Variants in TXNDC16 observed in about 807,000 individuals in gnomAD.
TXNDC16 encodes thioredoxin domain containing 16.
A neutral mutation model predicts 85.6 loss-of-function variants in TXNDC16; 74 were observed. The ratio of observed to expected loss-of-function variants is 0.86; its 90% confidence interval spans 0.72 to 1.05. TXNDC16 has a LOEUF of 1.05. TXNDC16 is among the 50% of genes least tolerant of loss of function. The pLI, the probability that TXNDC16 is intolerant of heterozygous loss-of-function variation, is 0.00. For synonymous variants in TXNDC16, 335 were observed against 326.5 expected, an observed-to-expected ratio of 1.03 and a Z score of -0.28; for missense variants, 959 against 947.0, an observed-to-expected ratio of 1.01 and a Z score of -0.17.
At chr14:52,510,142 G>A (rs2036922541) in intron 9 of TXNDC16, among the ~76,000 whole-genome samples, 1 of 152,168 alleles carries the variant, frequency 6.6e-6, no homozygotes, top group East Asian at 1.9e-4. Context: ...CCTTGATAAT[G>A]TTCAAAGAAC....
chr14:52,545,437 A>G (rs202003464), intron 1 of TXNDC16, among the ~76,000 whole-genome samples: 1 of 152,222 alleles, frequency 6.6e-6, no homozygotes, highest in East Asian at 1.9e-4. Flanking sequence ...CATCTATGGT[A>G]AGATTTGATT....
intron 9 of TXNDC16, among the ~76,000 whole-genome samples, chr14:52,505,664 G>A (rs1261313500): frequency 6.6e-6 from 1 of 152,104 alleles, no homozygotes; most frequent in African/African-American, 2.4e-5. Context: ...AACTACAGAA[G>A]CAAGAGCAAA....
intron 9 of TXNDC16, among the ~76,000 whole-genome samples, chr14:52,501,395 C>G (rs2036656157): frequency 6.6e-6 from 1 of 152,166 alleles, no homozygotes; most frequent in African/African-American, 2.4e-5. Flanking sequence ...CTGAATCCTA[C>G]TTTCCATTTT....
At chr14:52,529,503 A>AT (rs201382896) in intron 6 of TXNDC16, among the ~76,000 whole-genome samples, 46 of 122,290 alleles carry the variant, frequency 3.8e-4, no homozygotes, top group African/African-American at 4.2e-4. Context: ...ACTATATATT[A>AT]TATATAATGC....
intron 9 of TXNDC16, among the ~76,000 whole-genome samples, chr14:52,504,302 G>A (rs1016133556): frequency 8.5e-5 from 13 of 152,192 alleles, no homozygotes; most frequent in Non-Finnish European, 1.6e-4. Flanking sequence ...AGGAAAAAAT[G>A]TTAAGGGCAG....
intron 20 of TXNDC16, among the ~76,000 whole-genome samples, chr14:52,437,262 T>G (rs2035051081): frequency 6.6e-6 from 1 of 152,174 alleles, no homozygotes; most frequent in South Asian, 2.1e-4. Flanking sequence ...AGTTAAATTG[T>G]TCCTGTTTGC....
chr14:52,451,279 A>T (rs1355203906), intron 18 of TXNDC16, among the ~76,000 whole-genome samples: 1 of 151,802 alleles, frequency 6.6e-6, no homozygotes, highest in Non-Finnish European at 1.5e-5. Flanking sequence ...AAAAAAAAAC[A>T]TGAATACTAA....
At chr14:52,455,537 G>A (rs2035513439) in intron 17 of TXNDC16, 75 bp from the exon 18 acceptor site, 8 of 1,562,986 alleles carry the variant, frequency 5.1e-6, no homozygotes, top group South Asian at 1.2e-5. Flanking sequence ...AGGCTAGGAG[G>A]TCACAGTGTG....
rs547826506 is a variant in TXNDC16, at chr14:52,523,122, C to T, written c.393-3829G>A. On this transcript the variant is annotated intron_variant, in intron 6 of 20. Transcript: ENST00000281741. ...TTCCACAGCCTGTGCTCCCTTACTC[C>T]AGTTCCAAAGAGGAGAAATACTGAC... Among the ~76,000 whole-genome samples, 5 of 152,276 alleles carry T rather than the reference C, an allele frequency of 3.3e-5. No homozygotes were observed. In the East Asian group the frequency reaches 9.6e-4, roughly 29 times the overall value.
chr14:52,473,772 G>A (rs1377073882), intron 14 of TXNDC16, among the ~76,000 whole-genome samples: 1 of 152,172 alleles, frequency 6.6e-6, no homozygotes, highest in Non-Finnish European at 1.5e-5. Flanking sequence ...TTTGACATTT[G>A]CTGCCACCTT....
intron 19 of TXNDC16, 71 bp downstream of exon 19, chr14:52,440,493 T>C: frequency 7.7e-7 from 1 of 1,304,682 alleles, no homozygotes; most frequent in Non-Finnish European, 1.0e-6. Flanking sequence ...GAGAGTTTCG[T>C]TTCCTAATGA....
intron 1 of TXNDC16, among the ~76,000 whole-genome samples, chr14:52,547,939 A>G (rs772023113): frequency 1.3e-5 from 2 of 152,158 alleles, no homozygotes; most frequent in Admixed American, 6.5e-5. Flanking sequence ...TATACATCTC[A>G]CTTCCTTGAG....
intron 9 of TXNDC16, among the ~76,000 whole-genome samples, chr14:52,496,359 T>C (rs1381613677): frequency 6.6e-6 from 1 of 151,642 alleles, no homozygotes; most frequent in African/African-American, 2.4e-5. Context: ...TCAGTCCTGT[T>C]CCCTGAACTT....
At position 52,431,601 on chromosome 14, in the gene TXNDC16, C is replaced by T. The variant is rs970182568; in HGVS notation, c.*703G>A. 1.1e-4 allele frequency: 16 copies of T among 152,170 alleles called. No homozygotes were observed. Among genetic ancestry groups the T allele is most frequent in the African/African-American group, 3.6e-4 (15 of 41,432 alleles). The allele number at this position is 152,170 out of a possible 1,614,324, so 9.4% of individuals were successfully genotyped here. On this transcript the variant is annotated 3_prime_UTR_variant, in exon 21 of 21. Transcript: ENST00000281741. The stretch of plus-strand genomic sequence containing the variant: ...GGTTACTCAGCCTTGGCACGACTAC[C>T]ATTTCGGGCAGGATAATTCTTTGTT...
chr14:52,457,238 TGAA>T, intron 16 of TXNDC16, 64 bp from the exon 17 acceptor site: 4 of 884,106 alleles, frequency 4.5e-6, no homozygotes, highest in Non-Finnish European at 6.9e-6. Context: ...ATTCAACTGA[TGAA>T]GAGATTTATA....
chr14:52,481,437 A>G (rs1044816500), intron 14 of TXNDC16, among the ~76,000 whole-genome samples: 1 of 152,184 alleles, frequency 6.6e-6, no homozygotes, highest in African/African-American at 2.4e-5. Flanking sequence ...CAATGTATAA[A>G]TAAGTTGTAC....
At chr14:52,515,620 C>A (rs1447937851) in intron 7 of TXNDC16, among the ~76,000 whole-genome samples, 3 of 150,586 alleles carry the variant, frequency 2.0e-5, no homozygotes, top group African/African-American at 7.3e-5. Flanking sequence ...ACTTTCAACT[C>A]ATTTCTTCTT....
At chr14:52,473,742 G>A (rs999217053) in intron 14 of TXNDC16, among the ~76,000 whole-genome samples, 1 of 152,122 alleles carries the variant, frequency 6.6e-6, no homozygotes, top group African/African-American at 2.4e-5. Context: ...TTAGATACAG[G>A]TATTATGTAA....
chr14:52,447,758 A>G (rs1195010110), intron 18 of TXNDC16, among the ~76,000 whole-genome samples: 2 of 152,190 alleles, frequency 1.3e-5, no homozygotes, highest in Non-Finnish European at 2.9e-5. Context: ...AGAAATCAAA[A>G]GAGCTGCTTA....
Sources: gnomAD v4.1 joint callset for allele counts (sites outside exome capture counted in the v4.1 genomes callset) on GRCh38, gnomAD v4.1.1 for gene constraint, MANE v1.5 for transcripts, NCBI Gene and HGNC (gene_info 2026-07-23, HGNC 2026-07-21) for gene names.